Variants in PSMA3 observed in about 807,000 individuals in gnomAD.
PSMA3 encodes the protein proteasome 20S subunit alpha 3.
PSMA3 carries 8 observed loss-of-function variants against 40.0 expected under a neutral mutation model. The observed-to-expected ratio is 0.20, with a 90% CI of 0.12 to 0.36. The LOEUF is 0.36. Among genes scored for constraint, PSMA3 ranks in the 10% least tolerant of loss-of-function variants. PSMA3 has a pLI of 1.00. For missense variants in PSMA3, 219 were observed against 310.6 expected (o/e 0.70, Z 2.22); for synonymous variants, 110 against 100.0 (o/e 1.10, Z -0.59).
intron 1 of PSMA3, among the ~76,000 whole-genome samples, chr14:58,247,130 G>A (rs963404896): frequency 2.4e-4 from 37 of 152,172 alleles, no homozygotes. Flanking sequence ...TAAATGGCTA[G>A]CTCCTTGTCA....
At chr14:58,265,345 CAATA>C (rs899287422) in intron 7 of PSMA3, 1 of 152,032 alleles carries the variant, frequency 6.6e-6, no homozygotes, top group Non-Finnish European at 1.5e-5. Context: ...ATGGGAAAAA[CAATA>C]AATCCCAGAG....
intron 6 of PSMA3, chr14:58,263,452 G>C: frequency 3.4e-6 from 1 of 296,676 alleles, no homozygotes; most frequent in Non-Finnish European, 6.2e-6. Context: ...ATGTCTTAAA[G>C]TGTATATGAT....
chr14:58,268,198 T>C (rs1388967734), intron 8 of PSMA3: 2 of 152,156 alleles, frequency 1.3e-5, no homozygotes, highest in East Asian at 3.9e-4. Context: ...ACATTTGGTA[T>C]TACAAAAAGA....
chr14:58,260,969 T>C lies in PSMA3; in HGVS notation c.426T>C (p.Ser142=). ...GCAGTTTCATGTTAGGGTCTTACAG[T>C]GTGAATGACGGTGCGCAACTCTACA... ...FGCSFMLGSY[S]VNDGAQLYMI... is the part of the protein sequence containing the mutation. Residue 142 remains serine, a synonymous_variant, in exon 6 of 11, where the codon AGT becomes AGC. Transcript: ENST00000216455. 3 of 1,612,680 alleles carry C rather than the reference T, an allele frequency of 1.9e-6. No individual in the cohort carries two copies. The highest frequency in any genetic ancestry group is 1.7e-5 in the Admixed American group (1 of 59,968).
chr14:58,261,162 A>C, intron 6 of PSMA3, 142 bp downstream of exon 6: 1 of 608,902 alleles, frequency 1.6e-6, no homozygotes, highest in Non-Finnish European at 2.7e-6. Flanking sequence ...TTTTACAACA[A>C]CCTCTTGTCC....
intron 2 of PSMA3, among the ~76,000 whole-genome samples, chr14:58,248,540 T>G (rs1032372741): frequency 1.4e-4 from 22 of 152,222 alleles, no homozygotes; most frequent in Non-Finnish European, 1.8e-4. Context: ...GAGCTGGGAT[T>G]ATAGGCGTGA....
intron 1 of PSMA3, chr14:58,245,166 G>T (rs1259183106): frequency 1.8e-6 from 1 of 568,376 alleles, no homozygotes; most frequent in South Asian, 2.2e-5. Flanking sequence ...GGTGTAGCCG[G>T]CTTGGCGTCG....
chr14:58,251,110 G>A lies in PSMA3; in HGVS notation c.105-1009G>A, dbSNP rs373417032. Reference sequence around the variant, plus strand: ...TCCATTTCTTTAAAATTAAAAAAAAGAAGAAAGAGAAAGTTGAGATAATTT... The same window carrying A: ...TCCATTTCTTTAAAATTAAAAAAAAAAAGAAAGAGAAAGTTGAGATAATTT... On this transcript the variant is annotated intron_variant, in intron 2 of 10. Transcript: ENST00000216455. Among the ~76,000 whole-genome samples the A allele has an allele frequency of 1.7e-3, 259 of 152,082 alleles. 2 individuals carry two copies. The highest frequency in any genetic ancestry group is 5.1e-3 in the African/African-American group (210 of 41,472).
In PSMA3 at chr14:58,263,776, A is replaced by G. The variant is rs765475413; in HGVS notation, c.543+6A>G. The G allele has an allele frequency of 5.6e-6, 9 of 1,612,928 alleles. No homozygotes were observed. In the South Asian group the frequency reaches 9.9e-5, roughly 18 times the overall value. Reference sequence around the variant, plus strand: ...CGGAAATAGAGAAGCTTCAGGTAATAATTAATGCTTGAATTTTTACTATGT... The same window carrying G: ...CGGAAATAGAGAAGCTTCAGGTAATGATTAATGCTTGAATTTTTACTATGT... On this transcript the variant is annotated splice_donor_region_variant and intron_variant, in intron 7 of 10. Transcript: ENST00000216455.
At chr14:58,270,191 T>C in intron 8 of PSMA3, 2 of 545,744 alleles carry the variant, frequency 3.7e-6, no homozygotes, top group Non-Finnish European at 5.8e-6. Context: ...TGAACTTGGG[T>C]TGATTAGGTA....
chr14:58,264,560 GAAGTGAGATAC>G (rs1890379372), intron 7 of PSMA3: 1 of 152,154 alleles, frequency 6.6e-6, no homozygotes, highest in Non-Finnish European at 1.5e-5. Flanking sequence ...TTGGTAAACT[GAAGTGAGATAC>G]AATTTCACAT....
In PSMA3 at chr14:58,247,898, TTGTTA is replaced by T. The variant is rs1226120848; in HGVS notation, c.104+72_104+76del. 1.9e-5 allele frequency: 21 copies of T among 1,081,542 alleles called. No homozygotes were observed. The Admixed American group carries it at 2.3e-4, about 12-fold the overall frequency. 67.0% of individuals were successfully genotyped at this position (1,081,542 alleles called of 1,614,324 possible). On this transcript the variant is annotated intron_variant, in intron 2 of 10. Transcript: ENST00000216455. The stretch of plus-strand genomic sequence containing the variant: ...TTTATATATTTTTGGCGATTAGGCT[TTGTTA>T]TGTTACTTTGGTACAAATTAGTATA...
intron 2 of PSMA3, among the ~76,000 whole-genome samples, chr14:58,250,219 C>CAAAAAAAA (rs1355257391): frequency 5.8e-5 from 1 of 17,128 alleles, no homozygotes; most frequent in Non-Finnish European, 1.5e-4. Flanking sequence ...GACTCCATCT[C>CAAAAAAAA]CAAAAAAAAA....
intron 2 of PSMA3, among the ~76,000 whole-genome samples, chr14:58,249,506 T>A (rs74852374): frequency 0.017 from 2,571 of 151,698 alleles, 58 homozygotes; most frequent in African/African-American, 0.057. Context: ...TCCTTTTTTT[T>A]AAAAAAAACT....
chr14:58,253,720 A>T (rs925542283), intron 3 of PSMA3, among the ~76,000 whole-genome samples: 2 of 152,132 alleles, frequency 1.3e-5, no homozygotes, highest in African/African-American at 4.8e-5. Flanking sequence ...CAGACTCTCA[A>T]GTAGCTGGGA....
At chr14:58,262,728 A>C (rs997687671) in intron 6 of PSMA3, among the ~76,000 whole-genome samples, 1 of 150,794 alleles carries the variant, frequency 6.6e-6, no homozygotes, top group Non-Finnish European at 1.5e-5. Flanking sequence ...ACACCTGGCT[A>C]ATTTTTGTAT....
At position 58,252,160 on chromosome 14, in the gene PSMA3, G is replaced by C. The variant is rs1449083501; in HGVS notation, c.146G>C (p.Gly49Ala). ...GIRCKDGVVF[G>A]VEKLVLSKLY... ...AGATGCAAAGATGGTGTTGTCTTTG[G>C]GGTAGAAAAATTAGTCCTTTCTAAA... The change falls in exon 3 of 11, where the codon GGG becomes GCG. Residue 49 changes from glycine to alanine, a missense_variant. Transcript: ENST00000216455. 6.2e-7 allele frequency: 1 copy of C among 1,613,000 alleles called. No homozygotes were observed. The highest frequency in any genetic ancestry group is 8.5e-7 in the Non-Finnish European group (1 of 1,179,516).
chr14:58,270,226 G>T (rs1890574625), intron 8 of PSMA3, 192 bp from the exon 9 acceptor site: 9 of 760,530 alleles, frequency 1.2e-5, no homozygotes, highest in Non-Finnish European at 1.8e-5. Flanking sequence ...CGGGAGAGTA[G>T]ATGTTTCATT....
chr14:58,252,204 A>T lies in PSMA3; in HGVS notation c.190A>T (p.Asn64Tyr). ...TTCTAAACTTTATGAAGAAGGTTCC[A>T]ACAAAAGACTTTTTAATGTTGATCG... is the stretch of plus-strand genomic sequence containing the variant. ...VLSKLYEEGS[N>Y]KRLFNVDRHV... Residue 64 changes from asparagine to tyrosine, a missense_variant, in exon 3 of 11, where the codon AAC becomes TAC. Transcript: ENST00000216455. 1 of 1,612,978 alleles carries T rather than the reference A, an allele frequency of 6.2e-7. No individual in the cohort carries two copies. Among genetic ancestry groups the T allele is most frequent in the South Asian group, 1.1e-5 (1 of 90,654 alleles).
Sources: gnomAD v4.1 joint callset for allele counts (sites outside exome capture counted in the v4.1 genomes callset) on GRCh38, gnomAD v4.1.1 for gene constraint, MANE v1.5 for transcripts, NCBI Gene and HGNC (gene_info 2026-07-23, HGNC 2026-07-21) for gene names.